NUDCD3: variants seen among roughly 807,000 people sequenced by gnomAD.
The protein encoded by NUDCD3 is NudC domain containing 3, also known as nudC domain-containing protein 3.
A neutral mutation model predicts 39.7 loss-of-function variants in NUDCD3; 13 were observed. That is an observed-to-expected ratio of 0.33 (90% CI 0.21 to 0.52). NUDCD3 has a LOEUF of 0.52. Among genes scored for constraint, NUDCD3 ranks in the 20% least tolerant of loss-of-function variants. The pLI is 0.96. For synonymous variants in NUDCD3, 175 were observed against 172.4 expected (o/e 1.02, Z -0.12); for missense variants, 453 against 458.1 (o/e 0.99, Z 0.10).
intron 2 of NUDCD3, among the ~76,000 whole-genome samples, chr7:44,483,067 A>AGTGTGTGT (rs142842030): frequency 6.7e-6 from 1 of 149,776 alleles, no homozygotes; most frequent in African/African-American, 2.4e-5. Flanking sequence ...AGACCTCCTA[A>AGTGTGTGT]GTGTGTGTGT....
At chr7:44,405,238 A>G (rs1798796653) in intron 3 of NUDCD3, among the ~76,000 whole-genome samples, 1 of 152,208 alleles carries the variant, frequency 6.6e-6, no homozygotes. Flanking sequence ...AGCCTCTAAA[A>G]GCCTCAGCTC....
At chr7:44,426,188 G>A (rs1799232102) in intron 3 of NUDCD3, 2 of 984,750 alleles carry the variant, frequency 2.0e-6, no homozygotes, top group African/African-American at 3.5e-5. Context: ...CCGGGTGTTT[G>A]TAGCTGAAGA....
chr7:44,403,534 C>T (rs1447713925), intron 4 of NUDCD3, among the ~76,000 whole-genome samples: 3 of 152,326 alleles, frequency 2.0e-5, no homozygotes, highest in East Asian at 1.9e-4. Context: ...ACACTCCTTT[C>T]GGTACCTGGC....
At chr7:44,425,347 G>A (rs1448635290) in intron 3 of NUDCD3, among the ~76,000 whole-genome samples, 1 of 152,072 alleles carries the variant, frequency 6.6e-6, no homozygotes, top group Non-Finnish European at 1.5e-5. Flanking sequence ...AAAATAGAAT[G>A]AAATTACTTA....
In NUDCD3 at chr7:44,416,565, T is replaced by C. The variant is rs774400512; in HGVS notation, c.642+11006A>G. On this transcript the variant is annotated intron_variant, in intron 3 of 5. Transcript: ENST00000355451. ...AATGACATGGGGAAAAAAAATACTA[T>C]TGAAGGAGAAAAAAGTTTTTCCAAC... Among the ~76,000 whole-genome samples, 7 of 152,050 alleles carry C rather than the reference T, an allele frequency of 4.6e-5. 1 individual carries two copies. The South Asian group carries it at 6.2e-4, about 14-fold the overall frequency.
intron 2 of NUDCD3, among the ~76,000 whole-genome samples, chr7:44,443,503 C>T (rs904247523): frequency 6.6e-5 from 10 of 152,080 alleles, no homozygotes; most frequent in Non-Finnish European, 8.8e-5. Flanking sequence ...CTCCACCTCC[C>T]GGGTTCAAGC....
At chr7:44,464,384 T>A (rs1800079304) in intron 2 of NUDCD3, among the ~76,000 whole-genome samples, 1 of 152,132 alleles carries the variant, frequency 6.6e-6, no homozygotes, top group Non-Finnish European at 1.5e-5. Flanking sequence ...GCCTCTGGGT[T>A]AGAACACAAT....
At chr7:44,422,923 CATCAAAAAGCTTATCTACTACG>C (rs778089081) in intron 3 of NUDCD3, among the ~76,000 whole-genome samples, 108 of 152,262 alleles carry the variant, frequency 7.1e-4, no homozygotes, top group Non-Finnish European at 1.4e-3. Flanking sequence ...TCCAGAAGCA[CATCAAAAAGCTTATCTACTACG>C]ATCAAGTCGG....
At chr7:44,408,972 T>C (rs545121202) in intron 3 of NUDCD3, among the ~76,000 whole-genome samples, 30 of 152,360 alleles carry the variant, frequency 2.0e-4, no homozygotes, top group Admixed American at 3.9e-4. Flanking sequence ...CAGAAAAGCC[T>C]TCCTCCCAAC....
chr7:44,403,327 GCCTAAATAGGA>G (rs1798757170), intron 4 of NUDCD3, among the ~76,000 whole-genome samples: 1 of 152,244 alleles, frequency 6.6e-6, no homozygotes, highest in South Asian at 2.1e-4. Context: ...CTCACGTAGG[GCCTAAATAGGA>G]GGCCCTGCTT....
intron 2 of NUDCD3, among the ~76,000 whole-genome samples, chr7:44,445,200 A>C (rs1273671949): frequency 1.3e-5 from 2 of 152,220 alleles, no homozygotes; most frequent in Non-Finnish European, 2.9e-5. Flanking sequence ...CTGAACTGCA[A>C]CAGCTGCCTG....
intron 4 of NUDCD3, among the ~76,000 whole-genome samples, chr7:44,399,887 G>C (rs1311191048): frequency 6.6e-6 from 1 of 152,188 alleles, no homozygotes; most frequent in South Asian, 2.1e-4. Context: ...TGAGCTTCAA[G>C]GTCTAACTCC....
chr7:44,427,656 A>G lies in NUDCD3; in HGVS notation c.557T>C (p.Val186Ala), dbSNP rs1799263841. 1.2e-6 allele frequency: 2 copies of G among 1,613,534 alleles called. No homozygotes were observed. Among genetic ancestry groups the G allele is most frequent in the Non-Finnish European group, 1.7e-6 (2 of 1,179,766 alleles). ...QKNPDSYNGA[V>A]RENYTWSQDY... ...CTGTGACCAGGTGTAGTTCTCTCGG[A>G]CAGCACCATTGTAACTGTCGGGATT... is the stretch of plus-strand genomic sequence containing the variant. Residue 186 changes from valine (V) to alanine (A), a missense_variant, in exon 3 of 6, where the codon GTC becomes GCC. Physicochemically the swap from Val to Ala is moderately conservative, Grantham distance 64. Coordinates refer to ENST00000355451, the MANE Select transcript of NUDCD3 (RefSeq NM_015332.4).
intron 4 of NUDCD3, among the ~76,000 whole-genome samples, chr7:44,393,950 C>T (rs572059074): frequency 6.6e-6 from 1 of 152,300 alleles, no homozygotes; most frequent in Non-Finnish European, 1.5e-5. Flanking sequence ...GAGCAGTGTC[C>T]TAACACTGCA....
chr7:44,399,844 A>G (rs1798689040), intron 4 of NUDCD3, among the ~76,000 whole-genome samples: 1 of 152,208 alleles, frequency 6.6e-6, no homozygotes, highest in African/African-American at 2.4e-5. Flanking sequence ...TTCAAAAATC[A>G]TAAACAAATA....
In NUDCD3 at chr7:44,451,604, G is replaced by A. The variant is rs188193895; in HGVS notation, c.510-23901C>T. 1.3e-3 allele frequency among the ~76,000 whole-genome samples: 194 copies of A among 152,216 alleles called. 3 individuals are homozygous for A. The South Asian group carries it at 0.017, about 13-fold the overall frequency. On this transcript the variant is annotated intron_variant, in intron 2 of 5. Transcript: ENST00000355451. ...ATCTATCGTGACAGAAAACAGAGCC[G>A]TGGTTGCCTAAGGATGGGAATGGAG...
intron 2 of NUDCD3, among the ~76,000 whole-genome samples, chr7:44,451,396 C>A (rs1799791672): frequency 6.6e-6 from 1 of 152,270 alleles, no homozygotes; most frequent in East Asian, 1.9e-4. Context: ...TTTTAAAAGT[C>A]CTCGATCTCA....
chr7:44,467,858 G>T, intron 2 of NUDCD3: 1 of 1,415,614 alleles, frequency 7.1e-7, no homozygotes, highest in Non-Finnish European at 9.9e-7. Context: ...CTTCCTCGGC[G>T]CTGCCTACGG....
At chr7:44,444,308 C>G (rs1048978985) in intron 2 of NUDCD3, among the ~76,000 whole-genome samples, 1 of 152,082 alleles carries the variant, frequency 6.6e-6, no homozygotes, top group Non-Finnish European at 1.5e-5. Context: ...GCCCCTCTGC[C>G]CCTCTTCTTT....
Sources: allele counts gnomAD v4.1 joint callset (sites outside exome capture counted in the v4.1 genomes callset), GRCh38; gene constraint gnomAD v4.1.1; transcripts MANE v1.5; gene names NCBI Gene and HGNC (gene_info 2026-07-23, HGNC 2026-07-21).